The following TOP6BL variants were observed in gnomAD, a reference collection of about 807,000 sequenced individuals.
TOP6BL encodes the protein type 2 DNA topoisomerase 6 subunit B-like.
At chr11:66,834,279 C>G in the TOP6BL span, among the ~76,000 whole-genome samples, 2 of 152,336 alleles carry the variant, frequency 1.3e-5, no homozygotes, top group South Asian at 2.1e-4. Context: ...GCTCCCGGCT[C>G]TGAAACCTGG....
chr11:66,815,715 C>T, the TOP6BL span: 1 of 211,660 alleles, frequency 4.7e-6, no homozygotes, highest in Non-Finnish European at 9.5e-6. Flanking sequence ...GTTGTCATTA[C>T]ACTCAGGTGA....
the TOP6BL span, chr11:66,843,507 G>C: frequency 8.2e-3 from 12,232 of 1,493,302 alleles, 781 homozygotes; most frequent in African/African-American, 0.15. Context: ...GTCGCGGCCG[G>C]AGCGGCCGCC....
the TOP6BL span, among the ~76,000 whole-genome samples, chr11:66,749,390 AAC>A: frequency 6.6e-6 from 1 of 152,110 alleles, no homozygotes; most frequent in East Asian, 1.9e-4. Flanking sequence ...TAATCCAATA[AAC>A]TCTGGCCAGG....
chr11:66,744,840 C>CG, the TOP6BL span: 4 of 1,329,294 alleles, frequency 3.0e-6, no homozygotes, highest in Non-Finnish European at 3.9e-6. Flanking sequence ...GCGGCGGCGG[C>CG]GGCGGGCGGG....
At chr11:66,781,140 A>G in the TOP6BL span, among the ~76,000 whole-genome samples, 7 of 151,856 alleles carry the variant, frequency 4.6e-5, no homozygotes. Context: ...TTCTTGTCCT[A>G]TTCTCATTTT....
At chr11:66,804,289 A>G in the TOP6BL span, 1 of 962,562 alleles carries the variant, frequency 1.0e-6, no homozygotes, top group Non-Finnish European at 1.5e-6. Context: ...TGCATCTACA[A>G]ATATATATGA....
the TOP6BL span, among the ~76,000 whole-genome samples, chr11:66,837,272 G>A: frequency 6.6e-6 from 1 of 151,678 alleles, no homozygotes; most frequent in Non-Finnish European, 1.5e-5. Flanking sequence ...GACTACAGGC[G>A]CCTGCCACCA....
the TOP6BL span, chr11:66,771,677 G>T: frequency 6.2e-6 from 1 of 160,212 alleles, no homozygotes; most frequent in Non-Finnish European, 1.4e-5. Context: ...GATGAGTCTA[G>T]TTGGCAAGAA....
chr11:66,812,185 C>CTTTTTTTTTTTTTTTTTTTTTTTTT, the TOP6BL span, among the ~76,000 whole-genome samples: 3 of 140,296 alleles, frequency 2.1e-5, no homozygotes, highest in African/African-American at 2.7e-5. Context: ...GAGTTTGCAT[C>CTTTTTTTTTTTTTTTTTTTTTTTTT]TTTTTTTTTG....
the TOP6BL span, chr11:66,762,269 GC>G: frequency 2.0e-6 from 1 of 497,470 alleles, no homozygotes; most frequent in South Asian, 2.1e-5. Context: ...AAACTGAGCA[GC>G]CTGAAGGGCG....
the TOP6BL span, among the ~76,000 whole-genome samples, chr11:66,786,364 A>G: frequency 1.7e-4 from 26 of 152,246 alleles, no homozygotes; most frequent in Admixed American, 7.2e-4. Flanking sequence ...AAGATTTAAA[A>G]ATATTTGTAT....
chr11:66,825,903 G>A, the TOP6BL span, among the ~76,000 whole-genome samples: 2 of 151,220 alleles, frequency 1.3e-5, no homozygotes, highest in East Asian at 1.9e-4. Flanking sequence ...GTGCAGTGGC[G>A]CGATCTCAGC....
the TOP6BL span, among the ~76,000 whole-genome samples, chr11:66,820,673 A>T: frequency 1.3e-5 from 2 of 152,188 alleles, no homozygotes; most frequent in Non-Finnish European, 2.9e-5. Flanking sequence ...CACAACAGTG[A>T]TGTTCACATA....
At chr11:66,812,927 C>CCAAAGTGTCACTAGTGTCACTAGTG in the TOP6BL span, among the ~76,000 whole-genome samples, 1 of 151,982 alleles carries the variant, frequency 6.6e-6, no homozygotes, top group Non-Finnish European at 1.5e-5. Context: ...ATTATCTGGC[C>CCAAAGTGTCACTAGTGTCACTAGTG]CAAAGTGTCA....
the TOP6BL span, among the ~76,000 whole-genome samples, chr11:66,822,202 C>T: frequency 6.6e-6 from 1 of 152,068 alleles, no homozygotes. Flanking sequence ...TAACACATTT[C>T]TTACCTCATA....
chr11:66,821,626 C>T, the TOP6BL span: 78 of 1,587,236 alleles, frequency 4.9e-5, no homozygotes, highest in African/African-American at 8.7e-4. Flanking sequence ...ATAATTTTAC[C>T]TTCTCCCTCC....
chr11:66,774,989 T>A, the TOP6BL span, among the ~76,000 whole-genome samples: 1 of 151,592 alleles, frequency 6.6e-6, no homozygotes, highest in Non-Finnish European at 1.5e-5. Flanking sequence ...GGCGGGCGCC[T>A]GTAGTCCCAG....
At chr11:66,799,208 A>C in the TOP6BL span, among the ~76,000 whole-genome samples, 13 of 131,240 alleles carry the variant, frequency 9.9e-5, no homozygotes, top group East Asian at 1.7e-3. Flanking sequence ...CTCTGTCTCC[A>C]AAAAAAAAAA....
the TOP6BL span, among the ~76,000 whole-genome samples, chr11:66,745,931 C>A: frequency 3.9e-5 from 6 of 152,348 alleles, no homozygotes; most frequent in South Asian, 1.2e-3. Context: ...CTGTCTCAGC[C>A]TCCCGAGTAG....
Sources: allele counts gnomAD v4.1 joint callset (sites outside exome capture counted in the v4.1 genomes callset), GRCh38; gene constraint gnomAD v4.1.1; transcripts MANE v1.5; gene names NCBI Gene and HGNC (gene_info 2026-07-23, HGNC 2026-07-21).